BCAS3: variants seen among roughly 807,000 people sequenced by gnomAD.
BCAS3 encodes BCAS3 microtubule associated cell migration factor.
BCAS3 carries 53 observed loss-of-function variants against 116.1 expected under a neutral mutation model. That is an observed-to-expected ratio of 0.46 (90% CI 0.37 to 0.57). The LOEUF (loss-of-function observed/expected upper bound fraction) is 0.57, where lower values mean the gene tolerates loss of function less well. Ranked by LOEUF, BCAS3 falls within the 20% of genes least tolerant of loss-of-function variation. BCAS3 has a pLI of 0.00. For synonymous variants in BCAS3, 391 were observed against 408.2 expected (o/e 0.96, Z 0.51); for missense variants, 917 against 1,165.4 (o/e 0.79, Z 3.10).
Position 61,048,156 on chromosome 17 carries a change from C to T in BCAS3, c.2029+7264C>T, listed in dbSNP as rs189278249. Among the ~76,000 whole-genome samples, 93 of 152,050 alleles carry T rather than the reference C, an allele frequency of 6.1e-4. 1 individual carries two copies. The highest frequency in any genetic ancestry group is 1.1e-3 in the Admixed American group (17 of 15,260). On this transcript the variant is annotated intron_variant, in intron 19 of 23. Coordinates refer to ENST00000407086, the MANE Select transcript of BCAS3 (RefSeq NM_017679.5). ...TATTTTATATGTTTCAATTTGATCT[C>T]AAATTTTGGGGAGATTTAGTGTTCT...
At chr17:60,877,175 TA>T (rs1465102195) in intron 9 of BCAS3, among the ~76,000 whole-genome samples, 1 of 85,596 alleles carries the variant, frequency 1.2e-5, no homozygotes, top group Admixed American at 1.0e-4. Flanking sequence ...TAAGAAATGA[TA>T]TATATATATA....
chr17:60,696,957 C>T (rs1405054249), intron 4 of BCAS3, among the ~76,000 whole-genome samples: 1 of 151,166 alleles, frequency 6.6e-6, no homozygotes, highest in Non-Finnish European at 1.5e-5. Flanking sequence ...GAGGCCAAGA[C>T]GGGTAGATCA....
chr17:61,002,640 T>A (rs915999361), intron 15 of BCAS3: 1 of 152,170 alleles, frequency 6.6e-6, no homozygotes, highest in Non-Finnish European at 1.5e-5. Context: ...TCAATTAATA[T>A]CCTTTCTGAG....
intron 19 of BCAS3, among the ~76,000 whole-genome samples, chr17:61,047,320 T>C (rs2068443986): frequency 6.6e-6 from 1 of 152,030 alleles, no homozygotes; most frequent in African/African-American, 2.4e-5. Flanking sequence ...TTCTCTGTTA[T>C]TAGGTGGAAC....
Position 61,122,708 on chromosome 17 carries a change from A to G in BCAS3, c.2425+38144A>G, listed in dbSNP as rs2075845904. Among the ~76,000 whole-genome samples the G allele has an allele frequency of 6.6e-6, 1 of 152,286 alleles. No homozygotes were observed. Among genetic ancestry groups the G allele is most frequent in the Admixed American group, 6.5e-5 (1 of 15,286 alleles). On this transcript the variant is annotated intron_variant, in intron 22 of 23. Coordinates refer to ENST00000407086, the MANE Select transcript of BCAS3 (RefSeq NM_017679.5). The surrounding 1 kb of genome is among the most constrained non-coding windows in gnomAD (Gnocchi z 4.6). ...TTAAACTCACATGCTGAATTTTCCC[A>G]CATAGACAAAAAACAAAACAAAACA...
rs991651824 is a variant in BCAS3 at position 61,278,152 on chromosome 17, C to T, written c.2426-90175C>T. Reference sequence around the variant, plus strand: ...CCCGGGTCCTGATTCAAGCAATTCTCCTGCCTCAGCCTCCCGAGTAGCTGG... The same window carrying T: ...CCCGGGTCCTGATTCAAGCAATTCTTCTGCCTCAGCCTCCCGAGTAGCTGG... On this transcript the variant is annotated intron_variant, in intron 22 of 23. Transcript: ENST00000407086. This position sits in a 1 kb window ranked among gnomAD's most constrained non-coding sequence, Gnocchi z 5.8. Among the ~76,000 whole-genome samples, 3 of 152,328 alleles carry T rather than the reference C, an allele frequency of 2.0e-5. No individual in the cohort carries two copies. Among genetic ancestry groups the T allele is most frequent in the Admixed American group, 2.0e-4 (3 of 15,302 alleles).
At chr17:60,940,710 A>G (rs926436638) in intron 13 of BCAS3, among the ~76,000 whole-genome samples, 1 of 152,246 alleles carries the variant, frequency 6.6e-6, no homozygotes, top group Non-Finnish European at 1.5e-5. Flanking sequence ...AAATTCTTTT[A>G]TGAATGATAT....
Position 61,014,402 on chromosome 17 carries a change from A to T in BCAS3, c.1487-1349A>T, listed in dbSNP as rs183637743. On this transcript the variant is annotated intron_variant, in intron 15 of 23. Transcript: ENST00000407086. ...ATAGATCAATGGAACACATGGATCAATGCAGGAATAGAACCACATGTATAT... is the reference window on the plus strand; with the variant it reads ...ATAGATCAATGGAACACATGGATCATTGCAGGAATAGAACCACATGTATAT... Among the ~76,000 whole-genome samples the T allele has an allele frequency of 1.3e-3, 203 of 152,286 alleles. 1 individual carries two copies. Among genetic ancestry groups the T allele is most frequent in the Non-Finnish European group, 1.9e-3 (131 of 68,004 alleles).
intron 14 of BCAS3, among the ~76,000 whole-genome samples, chr17:60,948,199 C>T (rs2060629514): frequency 6.6e-6 from 1 of 152,008 alleles, no homozygotes; most frequent in South Asian, 2.1e-4. Context: ...ACCTCTGCCT[C>T]CCGGGTTCGA....
chr17:60,952,738 T>C (rs2060913502), intron 14 of BCAS3, among the ~76,000 whole-genome samples: 1 of 152,092 alleles, frequency 6.6e-6, no homozygotes, highest in Non-Finnish European at 1.5e-5. Flanking sequence ...TAGTACTCAG[T>C]AGTTATTTTT....
chr17:61,387,401 C>T lies in BCAS3; in HGVS notation c.2594-4576C>T, dbSNP rs1568995505. Among the ~76,000 whole-genome samples the T allele has an allele frequency of 1.3e-5, 2 of 152,222 alleles. No individual in the cohort carries two copies. The highest frequency in any genetic ancestry group is 2.9e-5 in the Non-Finnish European group (2 of 68,042). Reference sequence around the variant, plus strand: ...TGCTTCTCTCTAAAAAGGCCAGTCCCCTCTTTCTGCCCCCTCTGACACCTC... The same window carrying T: ...TGCTTCTCTCTAAAAAGGCCAGTCCTCTCTTTCTGCCCCCTCTGACACCTC... On this transcript the variant is annotated intron_variant, in intron 23 of 23. Transcript: ENST00000407086. This position sits in a 1 kb window ranked among gnomAD's most constrained non-coding sequence, Gnocchi z 6.2.
intron 12 of BCAS3, among the ~76,000 whole-genome samples, chr17:60,921,740 T>C (rs1316306083): frequency 6.6e-6 from 1 of 151,622 alleles, no homozygotes; most frequent in Non-Finnish European, 1.5e-5. Flanking sequence ...TTGGGTACTA[T>C]GCTCACTACC....
At chr17:60,805,355 G>A (rs760783978) in intron 6 of BCAS3, among the ~76,000 whole-genome samples, 1 of 151,938 alleles carries the variant, frequency 6.6e-6, no homozygotes, top group Non-Finnish European at 1.5e-5. Flanking sequence ...AAAAGATAAG[G>A]TATCTTAAAA....
chr17:60,775,338 T>A (rs1254814784), intron 6 of BCAS3, among the ~76,000 whole-genome samples: 1 of 152,220 alleles, frequency 6.6e-6, no homozygotes, highest in Admixed American at 6.5e-5. Flanking sequence ...TCCTCTTAAC[T>A]ATCAACAAGG....
intron 15 of BCAS3, among the ~76,000 whole-genome samples, chr17:60,992,189 T>TCCACACACACACACACAC (rs1555654103): frequency 3.1e-5 from 4 of 130,652 alleles, no homozygotes; most frequent in African/African-American, 1.2e-4. Context: ...TCCGATGACT[T>TCCACACACACACACACAC]ACACACACAC....
rs1182013851 is a variant in BCAS3, at chr17:60,902,672, C to T, written c.791C>T (p.Ser264Phe). 2 of 1,612,470 alleles carry T rather than the reference C, an allele frequency of 1.2e-6. No individual in the cohort carries two copies. Among genetic ancestry groups the T allele is most frequent in the Admixed American group, 1.7e-5 (1 of 60,004 alleles). The change falls in exon 11 of 24, where the codon TCT becomes TTT. Residue 264 changes from serine (S) to phenylalanine (F), a missense_variant. Transcript: ENST00000407086. Reference protein sequence around the residue: ...RGGACGDNIQSYTATVISAAK... With the variant: ...RGGACGDNIQFYTATVISAAK... The stretch of plus-strand genomic sequence containing the variant: ...GGAGCCTGTGGAGACAACATTCAGT[C>T]TTATACTGCCACAGTCATTAGTGCT...
chr17:61,345,707 G>A (rs953813321), intron 22 of BCAS3, among the ~76,000 whole-genome samples: 6 of 152,070 alleles, frequency 3.9e-5, no homozygotes, highest in South Asian at 2.1e-4. Context: ...GGGACTTTAC[G>A]GTGGACTTAG....
chr17:60,787,536 A>G (rs564599648), intron 6 of BCAS3, among the ~76,000 whole-genome samples: 1 of 152,288 alleles, frequency 6.6e-6, no homozygotes, highest in South Asian at 2.1e-4. Flanking sequence ...TTTTTGCATC[A>G]TAGAGTTAAC....
rs772893282 is a variant in BCAS3 at position 61,337,591 on chromosome 17, C to T, written c.2426-30736C>T. 8.7e-4 allele frequency among the ~76,000 whole-genome samples: 133 copies of T among 152,184 alleles called. No homozygotes were observed. The highest frequency in any genetic ancestry group is 1.4e-3 in the Non-Finnish European group (94 of 68,030). ...ATTTGCCAAATTCCATGTGAACAGC[C>T]TCTGCGTCTGTTACTCTCCGAAGAA... On this transcript the variant is annotated intron_variant, in intron 22 of 23. Transcript: ENST00000407086. The surrounding 1 kb of genome is among the most constrained non-coding windows in gnomAD (Gnocchi z 4.8).
Sources: allele counts gnomAD v4.1 joint callset (sites outside exome capture counted in the v4.1 genomes callset), GRCh38; gene constraint gnomAD v4.1.1; non-coding constraint Gnocchi (gnomAD v3.1); transcripts MANE v1.5; gene names NCBI Gene and HGNC (gene_info 2026-07-23, HGNC 2026-07-21).